The following CBR4 variants were observed in gnomAD, a reference collection of about 807,000 sequenced individuals.
CBR4 encodes the protein 3-oxoacyl-[acyl-carrier-protein] reductase.
CBR4 carries 22 observed loss-of-function variants against 21.0 expected under a neutral mutation model. The ratio of observed to expected loss-of-function variants is 1.05; its 90% CI spans 0.75 to 1.50. The LOEUF (loss-of-function observed/expected upper bound fraction) is 1.50. CBR4 is among the 40% of genes most tolerant of loss of function. The probability of loss-of-function intolerance (pLI) is 0.00; values close to 1 mark genes in which losing one functional copy is unlikely to be tolerated. For synonymous variants in CBR4, 100 were observed against 104.4 expected, an observed-to-expected ratio of 0.96 and a Z score of 0.26; for missense variants, 302 against 286.3, an observed-to-expected ratio of 1.05 and a Z score of -0.40.
intron 2 of CBR4, among the ~76,000 whole-genome samples, chr4:168,905,032 C>G (rs1286843517): frequency 1.3e-5 from 2 of 151,750 alleles, no homozygotes; most frequent in Admixed American, 6.6e-5. Flanking sequence ...GAGGTTGAAG[C>G]ATGAGAATCA....
chr4:168,981,627 G>A (rs1391483686), intron 2 of CBR4, among the ~76,000 whole-genome samples: 1 of 152,050 alleles, frequency 6.6e-6, no homozygotes, highest in East Asian at 1.9e-4. Context: ...ATTATGTAAA[G>A]ATGCCAAATC....
chr4:168,961,049 A>G (rs1763835434), intron 2 of CBR4, among the ~76,000 whole-genome samples: 1 of 152,238 alleles, frequency 6.6e-6, no homozygotes, highest in Non-Finnish European at 1.5e-5. Flanking sequence ...GTGATCACGT[A>G]TTACAAGACG....
intron 2 of CBR4, among the ~76,000 whole-genome samples, chr4:168,956,254 G>A (rs1763681154): frequency 6.6e-6 from 1 of 152,048 alleles, no homozygotes; most frequent in Admixed American, 6.6e-5. Context: ...CCAGCACTGG[G>A]AGGACCCCAG....
intron 2 of CBR4, among the ~76,000 whole-genome samples, chr4:168,930,538 A>G (rs1026403105): frequency 2.0e-5 from 3 of 152,240 alleles, no homozygotes; most frequent in African/African-American, 7.2e-5. Flanking sequence ...GATGTCAGCA[A>G]GATGGCTGAC....
chr4:168,906,832 C>T (rs1383374049), intron 2 of CBR4, among the ~76,000 whole-genome samples: 3 of 151,420 alleles, frequency 2.0e-5, no homozygotes, highest in African/African-American at 7.3e-5. Context: ...TACCCAAAGC[C>T]CAATATATAA....
chr4:168,929,423 G>A (rs1486849607), intron 2 of CBR4, among the ~76,000 whole-genome samples: 1 of 152,112 alleles, frequency 6.6e-6, no homozygotes, highest in Non-Finnish European at 1.5e-5. Flanking sequence ...ATTTCACATT[G>A]TCTTCTATAC....
intron 2 of CBR4, among the ~76,000 whole-genome samples, chr4:168,962,436 A>C (rs1200582032): frequency 6.6e-6 from 1 of 152,234 alleles, no homozygotes; most frequent in Non-Finnish European, 1.5e-5. Flanking sequence ...TAGGCTTAAT[A>C]AGATATGATT....
chr4:168,935,883 A>G (rs186275641), intron 2 of CBR4, among the ~76,000 whole-genome samples: 244 of 152,332 alleles, frequency 1.6e-3, no homozygotes, highest in African/African-American at 5.5e-3. Flanking sequence ...AGAGAGCAGC[A>G]GATCTTGCAG....
At chr4:168,951,082 T>C (rs1763527550) in intron 2 of CBR4, among the ~76,000 whole-genome samples, 1 of 152,094 alleles carries the variant, frequency 6.6e-6, no homozygotes, top group South Asian at 2.1e-4. Flanking sequence ...TTTTTTGAGA[T>C]GGAGTTTCGC....
Position 169,009,974 on chromosome 4 carries a change from G to A in CBR4, c.116C>T (p.Ala39Val). ...LAVIARNLEG[A>V]KAAAGDLGGD... is the part of the protein sequence containing the mutation. ...GCCGAGGTCACCGGCGGCGGCTTTG[G>A]CCCCTTCCAGGTTTCTGGCAATGAC... is the stretch of plus-strand genomic sequence containing the variant. The change falls in exon 1 of 5, where the codon GCC (alanine) becomes GTC (valine). Residue 39 changes from alanine (A) to valine (V), a missense_variant. Transcript: ENST00000306193. The A allele has an allele frequency of 6.2e-7, 1 of 1,612,620 alleles. No individual in the cohort carries two copies.
intron 2 of CBR4, chr4:168,925,213 C>G: frequency 6.3e-7 from 1 of 1,598,630 alleles, no homozygotes; most frequent in Non-Finnish European, 8.6e-7. Context: ...ATATTGCTCT[C>G]TCTCTCTTTC....
At position 168,990,214 on chromosome 4, in the gene CBR4, A is replaced by T. The variant is rs1026080211; in HGVS notation, c.650T>A (p.Leu217Ter). Residue 217 changes from leucine to a stop codon, truncating the protein, a stop_gained, in exon 5 of 5, where the codon TTA becomes TAA. Transcript: ENST00000306193. LOFTEE classifies it high-confidence loss of function. ...ATGCCCTGTAATATACGGTGATTCT[A>T]AAAGAAACACAACCGCATGTGCCAC... ...IEVAHAVVFL[L>*]ESPYITGHVL... 1 of 1,613,410 alleles carries T rather than the reference A, an allele frequency of 6.2e-7. No homozygotes were observed. Among genetic ancestry groups the T allele is most frequent in the Non-Finnish European group, 8.5e-7 (1 of 1,179,574 alleles).
chr4:168,903,124 A>G (rs1019899205), intron 2 of CBR4, among the ~76,000 whole-genome samples: 2 of 152,118 alleles, frequency 1.3e-5, no homozygotes, highest in Admixed American at 6.5e-5. Flanking sequence ...TTTCAATACT[A>G]CTGTGTTTTC....
intron 2 of CBR4, among the ~76,000 whole-genome samples, chr4:168,969,296 A>C (rs1303872201): frequency 6.6e-6 from 1 of 152,208 alleles, no homozygotes; most frequent in Non-Finnish European, 1.5e-5. Context: ...AACTGGTCCA[A>C]GTCTGGGAAC....
chr4:168,982,128 C>T (rs1340835321), intron 2 of CBR4, among the ~76,000 whole-genome samples: 4 of 152,056 alleles, frequency 2.6e-5, no homozygotes, highest in African/African-American at 9.7e-5. Flanking sequence ...GCATGGAAAA[C>T]GGGATAAAGA....
In CBR4 at chr4:168,904,877, A is replaced by G. The variant is rs74431237; in HGVS notation, n.170-10112T>C. ...TGCAGTGGCTCACATCTGTAGTCCC[A>G]GCACTTTGGGAGGCTGAGGCAGGTG... On this transcript the variant is annotated intron_variant and non_coding_transcript_variant, in intron 2 of 3. Transcript: ENST00000509108. Among the ~76,000 whole-genome samples, 242 of 152,238 alleles carry G rather than the reference A, an allele frequency of 1.6e-3. 3 individuals are homozygous for G. In the East Asian group the frequency reaches 0.042, roughly 26 times the overall value.
chr4:168,970,101 G>T (rs982706869), intron 2 of CBR4, among the ~76,000 whole-genome samples: 3 of 152,022 alleles, frequency 2.0e-5, no homozygotes, highest in African/African-American at 4.8e-5. Flanking sequence ...TATCCTTATT[G>T]ATTTATTGTT....
chr4:168,913,791 G>C (rs1362791620), intron 2 of CBR4: 3 of 703,650 alleles, frequency 4.3e-6, no homozygotes, highest in Admixed American at 2.0e-5. Context: ...TTCTGAAAAG[G>C]GTTAGTCATT....
chr4:168,917,567 T>G (rs978183817), intron 2 of CBR4, among the ~76,000 whole-genome samples: 7 of 152,206 alleles, frequency 4.6e-5, no homozygotes, highest in African/African-American at 1.7e-4. Flanking sequence ...AACTCTTAAA[T>G]ATGGATAAGG....
Sources: gnomAD v4.1 joint callset for allele counts (sites outside exome capture counted in the v4.1 genomes callset) on GRCh38, gnomAD v4.1.1 for gene constraint, MANE v1.5 for transcripts, NCBI Gene and HGNC (gene_info 2026-07-23, HGNC 2026-07-21) for gene names.